MSH3: variants seen among roughly 807,000 people sequenced by gnomAD.
The protein encoded by MSH3 is DNA mismatch repair protein Msh3.
A neutral mutation model predicts 123.3 loss-of-function variants in MSH3; 106 were observed. The ratio of observed to expected loss-of-function variants is 0.86; its 90% CI spans 0.73 to 1.01. The LOEUF (loss-of-function observed/expected upper bound fraction) is 1.01, where lower values mean the gene tolerates loss of function less well. Among genes scored for constraint, MSH3 ranks in the 50% least tolerant of loss-of-function variants. The pLI, the probability that MSH3 is intolerant of heterozygous loss-of-function variation, is 0.00. For synonymous variants in MSH3, 515 were observed against 481.4 expected, an observed-to-expected ratio of 1.07 and a Z score of -0.91; for missense variants, 1,459 against 1,347.6, an observed-to-expected ratio of 1.08 and a Z score of -1.29.
intron 20 of MSH3, among the ~76,000 whole-genome samples, chr5:80,844,394 T>A (rs990170640): frequency 7.2e-5 from 11 of 152,094 alleles, no homozygotes; most frequent in African/African-American, 2.7e-4. Context: ...GGGTGTGGAG[T>A]TCCGTAGATG....
intron 8 of MSH3, among the ~76,000 whole-genome samples, chr5:80,686,161 T>G (rs1750084094): frequency 6.6e-6 from 1 of 152,216 alleles, no homozygotes; most frequent in South Asian, 2.1e-4. Context: ...CTGCAACCAT[T>G]GAATGAAATG....
At chr5:80,674,787 A>G (rs956281765) in intron 6 of MSH3, among the ~76,000 whole-genome samples, 196 bp from the exon 7 acceptor site, 2 of 151,816 alleles carry the variant, frequency 1.3e-5, no homozygotes, top group Non-Finnish European at 2.9e-5. Flanking sequence ...TTTGTTGCCC[A>G]GGGTGGTCTC....
intron 21 of MSH3, among the ~76,000 whole-genome samples, chr5:80,858,336 A>G (rs1439553566): frequency 1.3e-5 from 2 of 152,190 alleles, no homozygotes. Context: ...GGTGTGAGCC[A>G]CCGCTCCTGG....
intron 13 of MSH3, among the ~76,000 whole-genome samples, chr5:80,766,858 G>A (rs2112883629): frequency 6.6e-6 from 1 of 152,058 alleles, no homozygotes; most frequent in Admixed American, 6.6e-5. Context: ...GAGGTAACCA[G>A]AGTAAGTCAC....
rs142356723 is a variant in MSH3 at position 80,698,329 on chromosome 5, C to T, written c.1340+19236C>T. Among the ~76,000 whole-genome samples the T allele has an allele frequency of 5.5e-3, 831 of 152,226 alleles. 5 individuals are homozygous for T. Among genetic ancestry groups the T allele is most frequent in the Middle Eastern group, 0.017 (5 of 294 alleles). On this transcript the variant is annotated intron_variant, in intron 8 of 23. Transcript: ENST00000265081. ...ACACAGTTATTGAGTGGCTGCTGTGCGCCAGCTTTGTTACTAGGTGGCAAG... is the reference window on the plus strand; with the variant it reads ...ACACAGTTATTGAGTGGCTGCTGTGTGCCAGCTTTGTTACTAGGTGGCAAG...
chr5:80,669,271 C>T (rs887564471), intron 3 of MSH3, among the ~76,000 whole-genome samples: 7 of 152,050 alleles, frequency 4.6e-5, no homozygotes, highest in Admixed American at 3.3e-4. Flanking sequence ...CTCTCACTCT[C>T]CCCTCTTCTT....
intron 8 of MSH3, among the ~76,000 whole-genome samples, chr5:80,680,847 T>G (rs1749957029): frequency 6.6e-6 from 1 of 152,194 alleles, no homozygotes; most frequent in African/African-American, 2.4e-5. Flanking sequence ...CATGACATTG[T>G]CATATAAGTG....
intron 8 of MSH3, among the ~76,000 whole-genome samples, chr5:80,713,132 T>C (rs1750890259): frequency 6.6e-6 from 1 of 152,198 alleles, no homozygotes. Context: ...GTATAGATCA[T>C]GCAATTGGTA....
At chr5:80,762,816 TTATGTTATG>T (rs1744062740) in intron 13 of MSH3, among the ~76,000 whole-genome samples, 5 of 148,688 alleles carry the variant, frequency 3.4e-5, no homozygotes, top group Admixed American at 1.4e-4. Flanking sequence ...TTATGTTATG[TTATGTTATG>T]TTATGTTATT....
intron 1 of MSH3, chr5:80,655,480 A>T (rs1054219187): frequency 4.8e-6 from 1 of 206,308 alleles, no homozygotes; most frequent in Admixed American, 6.0e-5. Flanking sequence ...AGTTTAGATT[A>T]TAAAGTCTGA....
chr5:80,685,040 A>C (rs954600308), intron 8 of MSH3, among the ~76,000 whole-genome samples: 3 of 151,750 alleles, frequency 2.0e-5, no homozygotes, highest in African/African-American at 7.2e-5. Flanking sequence ...TGATATTTTT[A>C]ATGTGTTGTT....
rs185435362 is a variant in MSH3 at position 80,693,880 on chromosome 5, G to A, written c.1340+14787G>A. On this transcript the variant is annotated intron_variant, in intron 8 of 23. Transcript: ENST00000265081. Reference sequence around the variant, plus strand: ...TCACCATAGTGTCCAGGCTGATCTCGAACTCCTGACCTCAAATGATCCTCC... The same window carrying A: ...TCACCATAGTGTCCAGGCTGATCTCAAACTCCTGACCTCAAATGATCCTCC... 1.4e-3 allele frequency among the ~76,000 whole-genome samples: 207 copies of A among 152,090 alleles called. 3 individuals are homozygous for A. Among genetic ancestry groups the A allele is most frequent in the Admixed American group, 0.013 (198 of 15,266 alleles).
chr5:80,697,083 C>T (rs1271248940), intron 8 of MSH3, among the ~76,000 whole-genome samples: 2 of 152,192 alleles, frequency 1.3e-5, no homozygotes, highest in Admixed American at 1.3e-4. Context: ...TTTGCCAGCT[C>T]TCCATCAGAG....
At chr5:80,805,588 CCT>C (rs545160516) in intron 19 of MSH3, among the ~76,000 whole-genome samples, 53,028 of 113,914 alleles carry the variant, frequency 0.47, 12,405 homozygotes, top group African/African-American at 0.59. Flanking sequence ...GCCCCCCCCC[CCT>C]ACCTTTTTTT....
At chr5:80,667,331 T>C (rs1428382973) in intron 3 of MSH3, among the ~76,000 whole-genome samples, 9 of 152,184 alleles carry the variant, frequency 5.9e-5, no homozygotes, top group Admixed American at 5.2e-4. Flanking sequence ...ATAAAAGTCA[T>C]GGAAACAAAA....
chr5:80,723,854 C>CT (rs1751139700), intron 8 of MSH3, among the ~76,000 whole-genome samples: 1 of 152,032 alleles, frequency 6.6e-6, no homozygotes, highest in African/African-American at 2.4e-5. Flanking sequence ...CCTTGACTCC[C>CT]TGGGCTCAAG....
intron 20 of MSH3, among the ~76,000 whole-genome samples, chr5:80,814,763 A>C (rs1292987041): frequency 6.6e-6 from 1 of 152,218 alleles, no homozygotes; most frequent in East Asian, 1.9e-4. Flanking sequence ...CATTGGACCA[A>C]GATCATTTTG....
chr5:80,688,512 TATTAA>T (rs1280783497), intron 8 of MSH3, among the ~76,000 whole-genome samples: 4 of 152,206 alleles, frequency 2.6e-5, no homozygotes, highest in South Asian at 2.1e-4. Flanking sequence ...GTTCATCTCT[TATTAA>T]ATTAATTTAT....
At chr5:80,728,338 G>A (rs1466466245) in intron 9 of MSH3, among the ~76,000 whole-genome samples, 2 of 152,198 alleles carry the variant, frequency 1.3e-5, no homozygotes, top group Non-Finnish European at 2.9e-5. Flanking sequence ...CCCTCACTTA[G>A]CAACATGTTA....
Sources: allele counts gnomAD v4.1 joint callset (sites outside exome capture counted in the v4.1 genomes callset), GRCh38; gene constraint gnomAD v4.1.1; transcripts MANE v1.5; gene names NCBI Gene and HGNC (gene_info 2026-07-23, HGNC 2026-07-21).